ZIC2: variants seen among roughly 807,000 people sequenced by gnomAD.
ZIC2 encodes Zic family zinc finger 2.
A neutral mutation model predicts 29.5 loss-of-function variants in ZIC2; 7 were observed. The observed-to-expected ratio is 0.24, with a 90% CI of 0.14 to 0.45. The LOEUF is 0.45. Among genes scored for constraint, ZIC2 ranks in the 20% least tolerant of loss-of-function variants. ZIC2 has a pLI of 1.00. For synonymous variants in ZIC2, 408 were observed against 354.2 expected (o/e 1.15, Z -1.70); for missense variants, 589 against 781.2 (o/e 0.75, Z 2.93).
intron 1 of ZIC2, among the ~76,000 whole-genome samples, chr13:99,984,038 C>G (rs1023185826): frequency 7.9e-5 from 12 of 152,138 alleles, no homozygotes; most frequent in African/African-American, 2.9e-4. Flanking sequence ...GGGAGGGAGC[C>G]GAGGTGCGAG....
chr13:99,982,406 C>T lies in ZIC2; in HGVS notation c.342C>T (p.Asn114=). ...GCTCCTACTCTGGGCCGCCCTTCAA[C>T]TCCACCCGGGACTTCCTGTTCCGCA... is the stretch of plus-strand genomic sequence containing the variant. The part of the protein sequence containing the change: ...HVGSYSGPPF[N]STRDFLFRSR... The change falls in exon 1 of 3, where the codon AAC becomes AAT. Residue 114 remains asparagine, a synonymous_variant. Coordinates refer to ENST00000376335, the MANE Select transcript of ZIC2 (RefSeq NM_007129.5). 2.0e-6 allele frequency: 3 copies of T among 1,476,582 alleles called. No homozygotes were observed. The highest frequency in any genetic ancestry group is 2.7e-6 in the Non-Finnish European group (3 of 1,116,872). The allele number at this position is 1,476,582 out of a possible 1,614,324, so 91.5% of individuals were successfully genotyped here. A position where few individuals can be genotyped will look rare whatever the true frequency, so the allele number is the denominator to read the frequency against.
Position 99,985,537 on chromosome 13 carries a change from C to A in ZIC2, c.1454C>A (p.Ala485Glu). 1 of 1,001,304 alleles carries A rather than the reference C, an allele frequency of 1.0e-6. No individual in the cohort carries two copies. Among genetic ancestry groups the A allele is most frequent in the Non-Finnish European group, 1.2e-6 (1 of 843,524 alleles). The allele number at this position is 1,001,304 out of a possible 1,614,324, so 62.0% of individuals were successfully genotyped here. The change falls in exon 3 of 3, where the codon GCG becomes GAG. Residue 485 changes from alanine to glutamate, a missense_variant. Transcript: ENST00000376335. This position sits in a 1 kb window ranked among gnomAD's most constrained non-coding sequence, Gnocchi z 6.3. The part of the protein sequence containing the change: ...HRGGGSGSGG[A>E]GGGSGGGSGS... ...GGCGGAGGCTCGGGCAGTGGCGGCG[C>A]GGGAGGCGGCTCAGGCGGCGGCAGC... is the stretch of plus-strand genomic sequence containing the variant.
Position 99,985,490 on chromosome 13 carries a change from C to CGCG in ZIC2, c.1409_1411dup (p.Ala470dup), listed in dbSNP as rs1363321338. The stretch of plus-strand genomic sequence containing the variant: ...CGGCGGCGGCTGCGGCGGCGGCGGC[C>CGCG]GCGGTGTCCGCGGTGCACCGGGGCG... On this transcript the variant is annotated inframe_insertion, in exon 3 of 3. Coordinates refer to ENST00000376335, the MANE Select transcript of ZIC2 (RefSeq NM_007129.5). The surrounding 1 kb of genome is among the most constrained non-coding windows in gnomAD (Gnocchi z 6.3). The CGCG allele has an allele frequency of 1.3e-5, 16 of 1,213,886 alleles. No homozygotes were observed. The highest frequency in any genetic ancestry group is 1.4e-5 in the Non-Finnish European group (14 of 984,112). 75.2% of individuals were successfully genotyped at this position (1,213,886 alleles called of 1,614,324 possible). A position where few individuals can be genotyped will look rare whatever the true frequency, so the allele number is the denominator to read the frequency against.
Position 99,982,039 on chromosome 13 carries a change from C to T in ZIC2, c.-26C>T. 2 of 1,224,936 alleles carry T rather than the reference C, an allele frequency of 1.6e-6. No homozygotes were observed. The highest frequency in any genetic ancestry group is 2.0e-6 in the Non-Finnish European group (2 of 985,112). The allele number at this position is 1,224,936 out of a possible 1,614,324, so 75.9% of individuals were successfully genotyped here. The stretch of plus-strand genomic sequence containing the variant: ...CGAGGCGGCGCGGAGGCGCAGGGCT[C>T]GCAGGGGCGGGCGGGCGCGCTGGCC... On this transcript the variant is annotated 5_prime_UTR_variant, in exon 1 of 3. Coordinates refer to ENST00000376335, the MANE Select transcript of ZIC2 (RefSeq NM_007129.5).
In ZIC2 at chr13:99,985,379, T is replaced by C. The variant is rs1266624913; in HGVS notation, c.1296T>C (p.Tyr432=). ...SESSPAASSG[Y]ESSTPPGLVS... ...CCTCCCCGGCCGCCAGCTCCGGCTA[T>C]GAGTCGTCCACGCCCCCGGGGCTGG... The change falls in exon 3 of 3, where the codon TAT becomes TAC. Residue 432 remains tyrosine (Y), a synonymous_variant. Coordinates refer to ENST00000376335, the MANE Select transcript of ZIC2 (RefSeq NM_007129.5). The surrounding 1 kb of genome is among the most constrained non-coding windows in gnomAD (Gnocchi z 6.3). The C allele has an allele frequency of 1.9e-6, 3 of 1,597,386 alleles. No individual in the cohort carries two copies. The highest frequency in any genetic ancestry group is 1.1e-5 in the South Asian group (1 of 91,074).
At position 99,982,306 on chromosome 13, in the gene ZIC2, GC is replaced by G. The variant is rs1466619758; in HGVS notation, c.246del (p.Gly83AlafsTer135). ...CAGAGCTCGGCGTTCACGTCGCAGG[GC>G]CCCGGCGCCTACCCCGGCTCCGCTG... ...PGQSSAFTSQ[G>X]PGAYPGSAAA... On this transcript the variant is annotated frameshift_variant, in exon 1 of 3. Coordinates refer to ENST00000376335, the MANE Select transcript of ZIC2 (RefSeq NM_007129.5). LOFTEE classifies it high-confidence loss of function. 2 of 1,477,610 alleles carry G rather than the reference GC, an allele frequency of 1.4e-6. No individual in the cohort carries two copies. Among genetic ancestry groups the G allele is most frequent in the Non-Finnish European group, 1.8e-6 (2 of 1,117,146 alleles). 91.5% of individuals were successfully genotyped at this position (1,477,610 alleles called of 1,614,324 possible). A position where few individuals can be genotyped will look rare whatever the true frequency, so the allele number is the denominator to read the frequency against.
rs962517395 is a variant in ZIC2 at position 99,985,948 on chromosome 13, C to A, written c.*266C>A. On this transcript the variant is annotated 3_prime_UTR_variant, in exon 3 of 3. Coordinates refer to ENST00000376335, the MANE Select transcript of ZIC2 (RefSeq NM_007129.5). The surrounding 1 kb of genome is among the most constrained non-coding windows in gnomAD (Gnocchi z 6.3). ...TAAAAAATAAAAAAATAAAAACCCA[C>A]AAAAATGTTGAACCAAACCTCCCTG... 13 of 394,648 alleles carry A rather than the reference C, an allele frequency of 3.3e-5. No homozygotes were observed. The highest frequency in any genetic ancestry group is 4.8e-5 in the Non-Finnish European group (10 of 206,264). 24.4% of individuals were successfully genotyped at this position (394,648 alleles called of 1,614,324 possible).
chr13:99,984,661 C>A, intron 1 of ZIC2: 1 of 452,704 alleles, frequency 2.2e-6, no homozygotes, highest in Non-Finnish European at 4.1e-6. Context: ...AAGAAGCCCT[C>A]TAGAAAGGCA....
Position 99,985,574 on chromosome 13 carries a change from G to GGGC in ZIC2, c.1500_1502dup (p.Gly501dup). Reference sequence around the variant, plus strand: ...CAGGCGGCGGCAGCGGCAGTGGCGGGGGCGGCGGCGGGGCGGGCGGCGGGG... The same window carrying GGGC: ...CAGGCGGCGGCAGCGGCAGTGGCGGGGGCGGCGGCGGCGGGGCGGGCGGCGGGG... On this transcript the variant is annotated inframe_insertion, in exon 3 of 3. Coordinates refer to ENST00000376335, the MANE Select transcript of ZIC2 (RefSeq NM_007129.5). This position sits in a 1 kb window ranked among gnomAD's most constrained non-coding sequence, Gnocchi z 6.3. 1.0e-6 allele frequency: 1 copy of GGGC among 997,832 alleles called. No individual in the cohort carries two copies. Among genetic ancestry groups the GGGC allele is most frequent in the Non-Finnish European group, 1.2e-6 (1 of 840,276 alleles). 61.8% of individuals were successfully genotyped at this position (997,832 alleles called of 1,614,324 possible). A position where few individuals can be genotyped will look rare whatever the true frequency, so the allele number is the denominator to read the frequency against.
Position 99,982,536 on chromosome 13 carries a change from C to T in ZIC2, c.472C>T (p.Leu158Phe), listed in dbSNP as rs1184489666. ...GCACTCGGACGCGCAGGGCCACCTC[C>T]TCTTCCCGGGCCTGCCAGAGCAGCA... ...HAHSDAQGHLLFPGLPEQHGP... is the reference protein window; with the variant it reads ...HAHSDAQGHLFFPGLPEQHGP... The change falls in exon 1 of 3, where the codon CTC (leucine) becomes TTC (phenylalanine). Residue 158 changes from leucine (L) to phenylalanine (F), a missense_variant. Physicochemically the swap from Leu to Phe is conservative, Grantham distance 22 (BLOSUM62 0). This residue lies in a region of ZIC2 where 358 missense variants were observed against 382.0 expected (regional missense o/e 0.94). Coordinates refer to ENST00000376335, the MANE Select transcript of ZIC2 (RefSeq NM_007129.5). 1 of 1,538,640 alleles carries T rather than the reference C, an allele frequency of 6.5e-7. No individual in the cohort carries two copies. The highest frequency in any genetic ancestry group is 2.0e-5 in the Admixed American group (1 of 51,272).
chr13:99,982,141 C>T lies in ZIC2; in HGVS notation c.77C>T (p.Ala26Val), dbSNP rs1402597881. 7 of 1,294,866 alleles carry T rather than the reference C, an allele frequency of 5.4e-6. No individual in the cohort carries two copies. Among genetic ancestry groups the T allele is most frequent in the South Asian group, 2.4e-5 (1 of 41,642 alleles). 80.2% of individuals were successfully genotyped at this position (1,294,866 alleles called of 1,614,324 possible). Residue 26 changes from alanine (A) to valine (V), a missense_variant, in exon 1 of 3, where the codon GCG becomes GTG. By Grantham distance (64) the Ala-to-Val change is moderately conservative. Transcript: ENST00000376335. ...GCGCGCCACCATCACCACTCCGCCG[C>T]GGCGGCGGCGGCGGCTGCCGCCGAG... ...SFARHHHHSA[A>V]AAAAAAAEMQ...
rs1688373674 is a variant in ZIC2 at position 99,985,550 on chromosome 13, AGGCGGC to A, written c.1471_1476del (p.Gly491_Gly492del). On this transcript the variant is annotated inframe_deletion, in exon 3 of 3. Coordinates refer to ENST00000376335, the MANE Select transcript of ZIC2 (RefSeq NM_007129.5). This position sits in a 1 kb window ranked among gnomAD's most constrained non-coding sequence, Gnocchi z 6.3. ...GCAGTGGCGGCGCGGGAGGCGGCTC[AGGCGGC>A]GGCAGCGGCAGTGGCGGGGGCGGCG... is the stretch of plus-strand genomic sequence containing the variant. 1 of 988,070 alleles carries A rather than the reference AGGCGGC, an allele frequency of 1.0e-6. No homozygotes were observed. The highest frequency in any genetic ancestry group is 1.2e-6 in the Non-Finnish European group (1 of 835,518). The allele number at this position is 988,070 out of a possible 1,614,324, so 61.2% of individuals were successfully genotyped here. A position where few individuals can be genotyped will look rare whatever the true frequency, so the allele number is the denominator to read the frequency against.
At position 99,985,430 on chromosome 13, in the gene ZIC2, C is replaced by T. The variant is rs1023574991; in HGVS notation, c.1347C>T (p.Ser449=). 7 of 1,546,746 alleles carry T rather than the reference C, an allele frequency of 4.5e-6. No homozygotes were observed. The Admixed American group carries it at 7.3e-5, about 16-fold the overall frequency. The change falls in exon 3 of 3, where the codon AGC becomes AGT. Residue 449 remains serine, a synonymous_variant. Coordinates refer to ENST00000376335, the MANE Select transcript of ZIC2 (RefSeq NM_007129.5). This position sits in a 1 kb window ranked among gnomAD's most constrained non-coding sequence, Gnocchi z 6.3. ...GLVSPSAEPQ[S]SSNLSPAAAA... is the part of the protein sequence containing the mutation. ...TGTCCCCCAGCGCCGAGCCCCAGAGCAGCTCCAACCTGTCCCCAGCGGCGG... is the reference window on the plus strand; with the variant it reads ...TGTCCCCCAGCGCCGAGCCCCAGAGTAGCTCCAACCTGTCCCCAGCGGCGG...
chr13:99,984,767 T>C (rs1185645112), intron 1 of ZIC2, 179 bp from the exon 2 acceptor site: 3 of 673,142 alleles, frequency 4.5e-6, no homozygotes, highest in Non-Finnish European at 5.2e-6. Context: ...AGCAGGACTG[T>C]CGGGCGGGAA....
Position 99,982,245 on chromosome 13 carries a change from A to C in ZIC2, c.181A>C (p.Lys61Gln). 1 of 1,514,736 alleles carries C rather than the reference A, an allele frequency of 6.6e-7. No individual in the cohort carries two copies. The highest frequency in any genetic ancestry group is 8.8e-7 in the Non-Finnish European group (1 of 1,138,276). The allele number at this position is 1,514,736 out of a possible 1,614,324, so 93.8% of individuals were successfully genotyped here. A position where few individuals can be genotyped will look rare whatever the true frequency, so the allele number is the denominator to read the frequency against. ...DSAAAHMGAF[K>Q]LNPGAHELSP... ...CGCCGCCGCGCACATGGGAGCCTTC[A>C]AGCTCAACCCGGGCGCGCACGAGCT... Residue 61 changes from lysine (K) to glutamine (Q), a missense_variant, in exon 1 of 3, where the codon AAG becomes CAG. This residue lies in a region of ZIC2 where 358 missense variants were observed against 382.0 expected (regional missense o/e 0.94). Coordinates refer to ENST00000376335, the MANE Select transcript of ZIC2 (RefSeq NM_007129.5).
In ZIC2 at chr13:99,985,057, A is replaced by G; in HGVS notation, c.1187A>G (p.Lys396Arg). Residue 396 changes from lysine to arginine, a missense_variant, in exon 2 of 3, where the codon AAG (lysine) becomes AGG (arginine). Coordinates refer to ENST00000376335, the MANE Select transcript of ZIC2 (RefSeq NM_007129.5). The surrounding 1 kb of genome is among the most constrained non-coding windows in gnomAD (Gnocchi z 6.3). Reference protein sequence around the residue: ...VHTSDKPYLCKMCDKSYTHPS... With the variant: ...VHTSDKPYLCRMCDKSYTHPS... Reference sequence around the variant, plus strand: ...ACCTCCGATAAGCCCTATCTCTGCAAGATGTGCGACAAGTCCTACACGCAC... The same window carrying G: ...ACCTCCGATAAGCCCTATCTCTGCAGGATGTGCGACAAGTCCTACACGCAC... 1 of 1,614,142 alleles carries G rather than the reference A, an allele frequency of 6.2e-7. No individual in the cohort carries two copies. Among genetic ancestry groups the G allele is most frequent in the Non-Finnish European group, 8.5e-7 (1 of 1,179,982 alleles).
chr13:99,981,868 C>T lies in ZIC2; in HGVS notation c.-197C>T. 1.7e-6 allele frequency: 2 copies of T among 1,161,074 alleles called. No homozygotes were observed. The highest frequency in any genetic ancestry group is 1.5e-5 in the South Asian group (1 of 68,730). 71.9% of individuals were successfully genotyped at this position (1,161,074 alleles called of 1,614,324 possible). ...TTCCTCTCCGCGCCTTCGCTACGCG[C>T]CCGGCCGCCCGAGGCAGATCCAGGC... On this transcript the variant is annotated 5_prime_UTR_variant, in exon 1 of 3. Transcript: ENST00000376335.
chr13:99,981,917 G>A lies in ZIC2; in HGVS notation c.-148G>A. On this transcript the variant is annotated 5_prime_UTR_variant, in exon 1 of 3. Transcript: ENST00000376335. ...GCGGCGGCGGAGGCGGCGGGCGCAG[G>A]AGAGCGGCTCCCAGGGCTGAAGTGG... 2.4e-6 allele frequency: 3 copies of A among 1,236,944 alleles called. No individual in the cohort carries two copies. Among genetic ancestry groups the A allele is most frequent in the South Asian group, 2.0e-5 (1 of 50,080 alleles). 76.6% of individuals were successfully genotyped at this position (1,236,944 alleles called of 1,614,324 possible).
In ZIC2 at chr13:99,983,357, A is replaced by G. The variant is rs918988239; in HGVS notation, c.1075+218A>G. 6.6e-6 allele frequency among the ~76,000 whole-genome samples: 1 copy of G among 152,238 alleles called. No homozygotes were observed. Among genetic ancestry groups the G allele is most frequent in the African/African-American group, 2.4e-5 (1 of 41,462 alleles). ...ATGTGCGGAAATCGAGTTTTGAATGATTAGCCTCACATCAAATGTATGCTT... is the reference window on the plus strand; with the variant it reads ...ATGTGCGGAAATCGAGTTTTGAATGGTTAGCCTCACATCAAATGTATGCTT... On this transcript the variant is annotated intron_variant, in intron 1 of 2. Coordinates refer to ENST00000376335, the MANE Select transcript of ZIC2 (RefSeq NM_007129.5). This position sits in a 1 kb window ranked among gnomAD's most constrained non-coding sequence, Gnocchi z 4.7.
Sources: gnomAD v4.1 joint callset for allele counts (sites outside exome capture counted in the v4.1 genomes callset) on GRCh38, gnomAD v4.1.1 for gene constraint, gnomAD v4.1.1 regional missense constraint, Gnocchi (gnomAD v3.1) non-coding constraint, MANE v1.5 for transcripts, NCBI Gene and HGNC (gene_info 2026-07-23, HGNC 2026-07-21) for gene names.